The following SCARF1 variants were observed in gnomAD, a reference collection of about 807,000 sequenced individuals.
SCARF1 encodes the protein scavenger receptor class F member 1.
A neutral mutation model predicts 76.3 loss-of-function variants in SCARF1; 49 were observed. The ratio of observed to expected loss-of-function variants is 0.64; its 90% CI spans 0.51 to 0.81. SCARF1 has a LOEUF of 0.81. Ranked by LOEUF, SCARF1 falls within the 40% of genes least tolerant of loss-of-function variation. SCARF1 has a pLI of 0.00. For missense variants in SCARF1, 1,098 were observed against 1,143.9 expected, an observed-to-expected ratio of 0.96 and a Z score of 0.58; for synonymous variants, 495 against 474.6, an observed-to-expected ratio of 1.04 and a Z score of -0.56.
Position 1,643,813 on chromosome 17 carries a change from G to A in SCARF1, c.420C>T (p.Arg140=), listed in dbSNP as rs895085385. The A allele has an allele frequency of 1.6e-6, 2 of 1,267,784 alleles. No individual in the cohort carries two copies. Among genetic ancestry groups the A allele is most frequent in the African/African-American group, 3.1e-5 (2 of 64,380 alleles). 78.5% of individuals were successfully genotyped at this position (1,267,784 alleles called of 1,614,324 possible). ...EFPCACGPHG[R]CDPATGVCHC... is the part of the protein sequence containing the mutation. ...GGCACACGCCGGTCGCGGGGTCGCA[G>A]CGCCCGTGGGGGCCGCAGGCGCACG... The change falls in exon 4 of 11, where the codon CGC becomes CGT. Residue 140 remains arginine, a synonymous_variant. Transcript: ENST00000263071.
chr17:1,639,604 TG>T, intron 7 of SCARF1, 34 bp downstream of exon 7: 1 of 1,487,058 alleles, frequency 6.7e-7, no homozygotes, highest in South Asian at 1.2e-5. Flanking sequence ...CGCCTTTCCC[TG>T]GCTACTGCAC....
Position 1,644,579 on chromosome 17 carries a change from G to C in SCARF1, c.265+255C>G. The C allele has an allele frequency of 1.7e-6, 1 of 590,332 alleles. No homozygotes were observed. Among genetic ancestry groups the C allele is most frequent in the East Asian group, 2.8e-5 (1 of 35,784 alleles). 36.6% of individuals were successfully genotyped at this position (590,332 alleles called of 1,614,324 possible). ...ATTTTACAATGAAGGGGAATCACAGGTTTTCTGAGAAGTGGAAGAGGAAGA... is the reference window on the plus strand; with the variant it reads ...ATTTTACAATGAAGGGGAATCACAGCTTTTCTGAGAAGTGGAAGAGGAAGA... On this transcript the variant is annotated intron_variant, in intron 3 of 10. Coordinates refer to ENST00000263071, the MANE Select transcript of SCARF1 (RefSeq NM_003693.4). The surrounding 1 kb of genome is among the most constrained non-coding windows in gnomAD (Gnocchi z 4.8).
intron 8 of SCARF1, 149 bp downstream of exon 8, chr17:1,638,657 G>A: frequency 1.8e-6 from 2 of 1,093,922 alleles, no homozygotes; most frequent in Non-Finnish European, 2.5e-6. Context: ...GACCCACGGG[G>A]GCGACAAGGC....
At position 1,639,611 on chromosome 17, in the gene SCARF1, T is replaced by A. The variant is rs1341469377; in HGVS notation, c.1243+28A>T. ...GAAGGGCCCGCCTTTCCCTGGCTACTGCACCCCGCAGCCTTCTTCCACCTT... is the reference window on the plus strand; with the variant it reads ...GAAGGGCCCGCCTTTCCCTGGCTACAGCACCCCGCAGCCTTCTTCCACCTT... On this transcript the variant is annotated intron_variant, in intron 7 of 10. Coordinates refer to ENST00000263071, the MANE Select transcript of SCARF1 (RefSeq NM_003693.4). The A allele has an allele frequency of 3.3e-6, 5 of 1,515,410 alleles. No individual in the cohort carries two copies. The South Asian group carries it at 4.8e-5, about 15-fold the overall frequency. The allele number at this position is 1,515,410 out of a possible 1,614,324, so 93.9% of individuals were successfully genotyped here. A position where few individuals can be genotyped will look rare whatever the true frequency, so the allele number is the denominator to read the frequency against.
chr17:1,645,609 C>T lies in SCARF1; in HGVS notation c.89G>A (p.Cys30Tyr), dbSNP rs1910474049. 2 of 1,607,472 alleles carry T rather than the reference C, an allele frequency of 1.2e-6. No individual in the cohort carries two copies. The highest frequency in any genetic ancestry group is 1.7e-6 in the Non-Finnish European group (2 of 1,179,038). ...SELDPKGQHV[C>Y]VASSPSAELQ... ...CCACGAGACCCACCTGCTGGCCACA[C>T]AGACGTGCTGCCCTTTGGGGTCCAG... Residue 30 changes from cysteine (C) to tyrosine (Y), a missense_variant, in exon 1 of 11, where the codon TGT (cysteine) becomes TAT (tyrosine). By Grantham distance (194) the Cys-to-Tyr change is radical. Transcript: ENST00000263071. The surrounding 1 kb of genome is among the most constrained non-coding windows in gnomAD (Gnocchi z 6.3).
chr17:1,636,842 G>A lies in SCARF1; in HGVS notation c.1500C>T (p.Asp500=), dbSNP rs142542545. 8.6e-4 allele frequency: 1,393 copies of A among 1,614,020 alleles called. 3 individuals are homozygous for A. The highest frequency in any genetic ancestry group is 1.1e-3 in the Non-Finnish European group (1,241 of 1,179,980). ...AGCTGTGGTTGAAGGGGACCTCCGG[G>A]TCGTGATGTGAGACTGTAGAGACTC... is the stretch of plus-strand genomic sequence containing the variant. ...KLPWVTVSHH[D]PEVPFNHSFI... The change falls in exon 10 of 11, where the codon GAC becomes GAT. Residue 500 remains aspartate, a synonymous_variant. Transcript: ENST00000263071.
chr17:1,637,201 A>C (rs554341177), intron 8 of SCARF1, 139 bp from the exon 9 acceptor site: 5 of 901,212 alleles, frequency 5.5e-6, no homozygotes, highest in Admixed American at 2.7e-5. Context: ...TAAAATCCAA[A>C]TGATTGAGCC....
chr17:1,639,551 A>T (rs962474597), intron 7 of SCARF1, 88 bp downstream of exon 7: 1 of 847,126 alleles, frequency 1.2e-6, no homozygotes, highest in African/African-American at 1.7e-5. Context: ...GTGGGCCCAG[A>T]CTCCCTGGTG....
At chr17:1,638,658 G>A (rs2151095887) in intron 8 of SCARF1, 148 bp downstream of exon 8, 2 of 1,107,250 alleles carry the variant, frequency 1.8e-6, no homozygotes, top group South Asian at 4.5e-5. Context: ...ACCCACGGGG[G>A]CGACAAGGCC....
intron 7 of SCARF1, 108 bp downstream of exon 7, chr17:1,639,529 AAT>A (rs1909861487): frequency 1.5e-6 from 1 of 688,508 alleles, no homozygotes; most frequent in Non-Finnish European, 2.4e-6. Flanking sequence ...AAAAAAAAAG[AAT>A]ATCTCTGAAG....
At position 1,640,284 on chromosome 17, in the gene SCARF1, G is replaced by A. The variant is rs1021431252; in HGVS notation, c.1010+164C>T. 1 of 793,516 alleles carries A rather than the reference G, an allele frequency of 1.3e-6. No homozygotes were observed. The highest frequency in any genetic ancestry group is 1.7e-5 in the African/African-American group (1 of 57,358). The allele number at this position is 793,516 out of a possible 1,614,324, so 49.2% of individuals were successfully genotyped here. On this transcript the variant is annotated intron_variant, in intron 5 of 10. Transcript: ENST00000263071. The surrounding 1 kb of genome is among the most constrained non-coding windows in gnomAD (Gnocchi z 4.7). Reference sequence around the variant, plus strand: ...GGGGAGGGAGCTGGGATCCTGCCCAGGCCCCCCCAGAACCCACTGCTCTCC... The same window carrying A: ...GGGGAGGGAGCTGGGATCCTGCCCAAGCCCCCCCAGAACCCACTGCTCTCC...
At chr17:1,636,642 G>C in intron 10 of SCARF1, 67 bp downstream of exon 10, 1 of 1,533,244 alleles carries the variant, frequency 6.5e-7, no homozygotes, top group Non-Finnish European at 8.9e-7. Flanking sequence ...AACTTTGCTG[G>C]AGGACTAAAG....
chr17:1,644,194 A>C lies in SCARF1; in HGVS notation c.266-227T>G. The C allele has an allele frequency of 7.6e-6, 3 of 393,160 alleles. No homozygotes were observed. The highest frequency in any genetic ancestry group is 3.7e-5 in the East Asian group (1 of 27,160). The allele number at this position is 393,160 out of a possible 1,614,324, so 24.4% of individuals were successfully genotyped here. A position where few individuals can be genotyped will look rare whatever the true frequency, so the allele number is the denominator to read the frequency against. ...TGGGAGGCTCAGCCTGCCACTTCAC[A>C]TTCCAGAACACACTCAGAGATCCTG... On this transcript the variant is annotated intron_variant, in intron 3 of 10. Transcript: ENST00000263071. The surrounding 1 kb of genome is among the most constrained non-coding windows in gnomAD (Gnocchi z 4.8).
intron 4 of SCARF1, 56 bp downstream of exon 4, chr17:1,643,357 CCCCCCTGTCTCCGCCCCGCCCCGCCTGCT>C: frequency 3.4e-6 from 1 of 295,716 alleles, no homozygotes; most frequent in Non-Finnish European, 5.1e-6. Flanking sequence ...CTCCGCCCCG[CCCCCCTGTCTCCGCCCCGCCCCGCCTGCT>C]CACTTGTGTC....
chr17:1,634,684 G>C lies in SCARF1; in HGVS notation c.*74C>G, dbSNP rs1450184725. 1 of 1,497,806 alleles carries C rather than the reference G, an allele frequency of 6.7e-7. No individual in the cohort carries two copies. The highest frequency in any genetic ancestry group is 1.4e-5 in the African/African-American group (1 of 71,268). The allele number at this position is 1,497,806 out of a possible 1,614,324, so 92.8% of individuals were successfully genotyped here. A position where few individuals can be genotyped will look rare whatever the true frequency, so the allele number is the denominator to read the frequency against. ...GCAGAGGCTCTGGTTTGTCTGTCCT[G>C]GCCCCGGGATCATTTTCCAGCACAC... On this transcript the variant is annotated 3_prime_UTR_variant, in exon 11 of 11. Transcript: ENST00000263071.
chr17:1,643,499 C>G lies in SCARF1; in HGVS notation c.734G>C (p.Gly245Ala), dbSNP rs575935460. Reference sequence around the variant, plus strand: ...CGGGCAGGGCAGCTCGCAGCGCGCTCCGCGGAAGCCGGGCGGGCAGGTGCA... The same window carrying G: ...CGGGCAGGGCAGCTCGCAGCGCGCTGCGCGGAAGCCGGGCGGGCAGGTGCA... The part of the protein sequence containing the change: ...GECTCPPGFR[G>A]ARCELPCPAG... Residue 245 changes from glycine to alanine, a missense_variant, in exon 4 of 11, where the codon GGA becomes GCA. Coordinates refer to ENST00000263071, the MANE Select transcript of SCARF1 (RefSeq NM_003693.4). The G allele has an allele frequency of 7.5e-7, 1 of 1,342,004 alleles. No homozygotes were observed. Among genetic ancestry groups the G allele is most frequent in the Admixed American group, 3.9e-5 (1 of 25,458 alleles). 83.1% of individuals were successfully genotyped at this position (1,342,004 alleles called of 1,614,324 possible). A position where few individuals can be genotyped will look rare whatever the true frequency, so the allele number is the denominator to read the frequency against.
Position 1,634,285 on chromosome 17 carries a change from A to T in SCARF1, c.*473T>A. ...GCACCTGTAGTCCCAGCTACTCGGGAGGCTGAGGCAGGAGAAGGGCGTGAA... is the reference window on the plus strand; with the variant it reads ...GCACCTGTAGTCCCAGCTACTCGGGTGGCTGAGGCAGGAGAAGGGCGTGAA... On this transcript the variant is annotated 3_prime_UTR_variant, in exon 11 of 11. Transcript: ENST00000263071. 1 of 216,832 alleles carries T rather than the reference A, an allele frequency of 4.6e-6. No individual in the cohort carries two copies. The highest frequency in any genetic ancestry group is 9.0e-6 in the Non-Finnish European group (1 of 111,700). The allele number at this position is 216,832 out of a possible 1,614,324, so 13.4% of individuals were successfully genotyped here. A position where few individuals can be genotyped will look rare whatever the true frequency, so the allele number is the denominator to read the frequency against.
Position 1,633,958 on chromosome 17 carries a change from T to C in SCARF1, c.*800A>G, listed in dbSNP as rs1378416291. The stretch of plus-strand genomic sequence containing the variant: ...ATCTAGTAACAAAAGTAAAAAAGAA[T>C]GTTCACTGTAGAAAATTTGCAAACT... On this transcript the variant is annotated 3_prime_UTR_variant, in exon 11 of 11. Transcript: ENST00000263071. 3 of 152,204 alleles carry C rather than the reference T, an allele frequency of 2.0e-5. No individual in the cohort carries two copies. The highest frequency in any genetic ancestry group is 2.0e-4 in the Admixed American group (3 of 15,266). 9.4% of individuals were successfully genotyped at this position (152,204 alleles called of 1,614,324 possible).
rs752251326 is a variant in SCARF1, at chr17:1,640,601, G to A, written c.857C>T (p.Pro286Leu). 22 of 1,612,304 alleles carry A rather than the reference G, an allele frequency of 1.4e-5. No homozygotes were observed. The highest frequency in any genetic ancestry group is 1.7e-4 in the Middle Eastern group (1 of 5,936). ...PDTGSCESCE[P>L]GWNGTQCQQP... is the part of the protein sequence containing the mutation. ...CTGGCACTGGGTCCCGTTCCAGCCC[G>A]GCTCGCAGGACTCACAGCTGCCTGT... The change falls in exon 5 of 11, where the codon CCG becomes CTG. Residue 286 changes from proline (P) to leucine (L), a missense_variant. Physicochemically the swap from Pro to Leu is moderately conservative, Grantham distance 98 (BLOSUM62 -3). Coordinates refer to ENST00000263071, the MANE Select transcript of SCARF1 (RefSeq NM_003693.4). This position sits in a 1 kb window ranked among gnomAD's most constrained non-coding sequence, Gnocchi z 4.7.
Sources: allele counts gnomAD v4.1 joint callset, GRCh38; gene constraint gnomAD v4.1.1; non-coding constraint Gnocchi (gnomAD v3.1); transcripts MANE v1.5; gene names NCBI Gene and HGNC (gene_info 2026-07-23, HGNC 2026-07-21).